PARVA: variants seen among roughly 807,000 people sequenced by gnomAD.
PARVA encodes alpha-parvin.
A neutral mutation model predicts 52.6 loss-of-function variants in PARVA; 25 were observed. The ratio of observed to expected loss-of-function variants is 0.48; its 90% CI spans 0.35 to 0.66. The LOEUF (loss-of-function observed/expected upper bound fraction) is 0.66, where lower values mean the gene tolerates loss of function less well. Among genes scored for constraint, PARVA ranks in the 30% least tolerant of loss-of-function variants. PARVA has a pLI of 0.01. For synonymous variants in PARVA, 185 were observed against 179.1 expected, an observed-to-expected ratio of 1.03 and a Z score of -0.26; for missense variants, 373 against 450.9, an observed-to-expected ratio of 0.83 and a Z score of 1.56.
chr11:12,421,658 C>A (rs1940151665), intron 1 of PARVA, among the ~76,000 whole-genome samples: 1 of 152,164 alleles, frequency 6.6e-6, no homozygotes, highest in Non-Finnish European at 1.5e-5. Context: ...AAACCAGGCT[C>A]TCACCAGCAA....
chr11:12,516,303 C>T (rs1941566510), intron 10 of PARVA, among the ~76,000 whole-genome samples: 1 of 152,194 alleles, frequency 6.6e-6, no homozygotes, highest in Admixed American at 6.5e-5. Flanking sequence ...CAGCTATATA[C>T]ACTCATAAAC....
At chr11:12,468,531 G>C (rs894732585) in intron 1 of PARVA, among the ~76,000 whole-genome samples, 1 of 152,162 alleles carries the variant, frequency 6.6e-6, no homozygotes, top group African/African-American at 2.4e-5. Flanking sequence ...ATTGACTTTA[G>C]AATCCTGGTA....
chr11:12,410,553 C>A (rs1295500298), intron 1 of PARVA, among the ~76,000 whole-genome samples: 1 of 152,214 alleles, frequency 6.6e-6, no homozygotes, highest in African/African-American at 2.4e-5. Flanking sequence ...TTGCTTTATC[C>A]TTTTAGGGAA....
intron 1 of PARVA, among the ~76,000 whole-genome samples, chr11:12,397,636 G>A (rs78934510): frequency 4.6e-5 from 7 of 152,048 alleles, no homozygotes; most frequent in East Asian, 1.9e-4. Flanking sequence ...AAAGTTATCC[G>A]GATCTCTAAT....
chr11:12,447,216 A>G (rs1431717551), intron 1 of PARVA, among the ~76,000 whole-genome samples: 1 of 152,190 alleles, frequency 6.6e-6, no homozygotes, highest in African/African-American at 2.4e-5. Context: ...AGCCAGTATA[A>G]TCTCTAGTGT....
Position 12,507,985 on chromosome 11 carries a change from TGGATGGAC to T in PARVA, c.658-595_658-588del, listed in dbSNP as rs977919682. ...AAGTGTGGACAGATGGATGGATGGA[TGGATGGAC>T]GGACGGACGGACGAGTTTCTAACAT... On this transcript the variant is annotated intron_variant, in intron 6 of 12. Coordinates refer to ENST00000334956, the MANE Select transcript of PARVA (RefSeq NM_018222.5). Among the ~76,000 whole-genome samples the T allele has an allele frequency of 1.6e-4, 24 of 150,860 alleles. No individual in the cohort carries two copies. In the East Asian group the frequency reaches 4.1e-3, roughly 26 times the overall value.
intron 1 of PARVA, among the ~76,000 whole-genome samples, chr11:12,408,623 G>GT (rs1379040523): frequency 3.3e-5 from 5 of 152,208 alleles, no homozygotes; most frequent in Admixed American, 6.5e-5. Flanking sequence ...ATATCACTTA[G>GT]TTTTTTTCAT....
intron 4 of PARVA, among the ~76,000 whole-genome samples, chr11:12,494,892 T>G (rs1228352937): frequency 6.6e-6 from 1 of 152,226 alleles, no homozygotes; most frequent in Non-Finnish European, 1.5e-5. Context: ...TCTTTGCCTC[T>G]GAGCCAAGAT....
At chr11:12,488,716 C>T (rs1256196673) in intron 4 of PARVA, among the ~76,000 whole-genome samples, 2 of 152,286 alleles carry the variant, frequency 1.3e-5, no homozygotes, top group East Asian at 3.9e-4. Context: ...AACTCCTCAT[C>T]AAAAGTCTAT....
chr11:12,506,934 A>T (rs991486871), intron 6 of PARVA, among the ~76,000 whole-genome samples: 2 of 152,218 alleles, frequency 1.3e-5, no homozygotes, highest in African/African-American at 4.8e-5. Flanking sequence ...TTTTACGTCT[A>T]TGAATGGCCA....
At chr11:12,463,986 T>TTC (rs1204222656) in intron 1 of PARVA, among the ~76,000 whole-genome samples, 1 of 151,430 alleles carries the variant, frequency 6.6e-6, no homozygotes, top group African/African-American at 2.4e-5. Flanking sequence ...CTTTTTTTTT[T>TTC]TTTTTTCCTG....
Position 12,377,687 on chromosome 11 carries a change from TCTCCCA to T in PARVA, c.47_52del (p.Thr16_Pro17del). 1 of 1,567,816 alleles carries T rather than the reference TCTCCCA, an allele frequency of 6.4e-7. No homozygotes were observed. The highest frequency in any genetic ancestry group is 1.2e-5 in the South Asian group (1 of 85,956). On this transcript the variant is annotated inframe_deletion, in exon 1 of 13. Coordinates refer to ENST00000334956, the MANE Select transcript of PARVA (RefSeq NM_018222.5). ...GCAGAAGTCGCCTTCTGTCCCCAAG[TCTCCCA>T]CTCCCAAGTCGCCCCCGTCCCGCAA...
chr11:12,465,233 A>C (rs1486411110), intron 1 of PARVA, among the ~76,000 whole-genome samples: 1 of 152,100 alleles, frequency 6.6e-6, no homozygotes, highest in Non-Finnish European at 1.5e-5. Flanking sequence ...TGGCTTTATA[A>C]GAAGAGGAAG....
chr11:12,442,181 G>A (rs569348686), intron 1 of PARVA, among the ~76,000 whole-genome samples: 5 of 152,374 alleles, frequency 3.3e-5, no homozygotes, highest in African/African-American at 4.8e-5. Context: ...AACTATGACT[G>A]AGGATAAGGA....
At chr11:12,467,767 G>A (rs1940873446) in intron 1 of PARVA, among the ~76,000 whole-genome samples, 2 of 152,208 alleles carry the variant, frequency 1.3e-5, no homozygotes, top group African/African-American at 2.4e-5. Flanking sequence ...GAAGGAGAAA[G>A]AACATCCTGG....
intron 10 of PARVA, among the ~76,000 whole-genome samples, chr11:12,514,313 C>T (rs1402171175): frequency 6.6e-6 from 1 of 152,186 alleles, no homozygotes; most frequent in Admixed American, 6.5e-5. Flanking sequence ...TTTGGCCACA[C>T]CTCTCTCTCT....
chr11:12,501,556 T>C (rs1442822262), intron 5 of PARVA, among the ~76,000 whole-genome samples: 1 of 152,210 alleles, frequency 6.6e-6, no homozygotes, highest in Non-Finnish European at 1.5e-5. Flanking sequence ...GTTGTACTTT[T>C]TTCATCAGTT....
chr11:12,389,525 T>C (rs1336912910), intron 1 of PARVA, among the ~76,000 whole-genome samples: 2 of 152,182 alleles, frequency 1.3e-5, no homozygotes, highest in African/African-American at 2.4e-5. Context: ...TGGGAGGTAA[T>C]TGCAAGACAG....
intron 1 of PARVA, among the ~76,000 whole-genome samples, chr11:12,393,067 A>G (rs34942766): frequency 2.1e-5 from 3 of 146,252 alleles, no homozygotes; most frequent in African/African-American, 7.9e-5. Flanking sequence ...AAAAAAAAAA[A>G]GAAAGAAAAA....
Sources: gnomAD v4.1 joint callset for allele counts (sites outside exome capture counted in the v4.1 genomes callset) on GRCh38, gnomAD v4.1.1 for gene constraint, MANE v1.5 for transcripts, NCBI Gene and HGNC (gene_info 2026-07-23, HGNC 2026-07-21) for gene names.